RSU1: variants seen among roughly 807,000 people sequenced by gnomAD.
RSU1 encodes Ras suppressor protein 1.
A neutral mutation model predicts 31.1 loss-of-function variants in RSU1; 26 were observed. The ratio of observed to expected loss-of-function variants is 0.84; its 90% confidence interval spans 0.61 to 1.16. The LOEUF (loss-of-function observed/expected upper bound fraction) is 1.16. Among genes scored for constraint, RSU1 ranks in the 50% most tolerant of loss-of-function variants. The pLI, the probability that RSU1 is intolerant of heterozygous loss-of-function variation, is 0.00. For missense variants in RSU1, 320 were observed against 339.1 expected (o/e 0.94, Z 0.44); for synonymous variants, 164 against 136.3 (o/e 1.20, Z -1.41).
chr10:16,801,985 C>T lies in RSU1; in HGVS notation c.109+14988G>A, dbSNP rs374014561. On this transcript the variant is annotated intron_variant, in intron 2 of 8. Transcript: ENST00000345264. Reference sequence around the variant, plus strand: ...AAACGGCAATTACCTCTGCACCAACCTAATAAAATCAATAATCTAAACTTC... The same window carrying T: ...AAACGGCAATTACCTCTGCACCAACTTAATAAAATCAATAATCTAAACTTC... Among the ~76,000 whole-genome samples, 513 of 151,316 alleles carry T rather than the reference C, an allele frequency of 3.4e-3. 1 individual carries two copies. Among genetic ancestry groups the T allele is most frequent in the Non-Finnish European group, 4.9e-3 (333 of 67,720 alleles).
At chr10:16,691,379 G>T (rs1490626246) in intron 8 of RSU1, among the ~76,000 whole-genome samples, 10 of 133,808 alleles carry the variant, frequency 7.5e-5, no homozygotes, top group South Asian at 2.4e-4. Flanking sequence ...TTTTTGTGCA[G>T]TTTTTTTTTT....
chr10:16,733,373 T>C (rs975742309), intron 7 of RSU1, among the ~76,000 whole-genome samples: 18 of 144,080 alleles, frequency 1.2e-4, no homozygotes, highest in Admixed American at 1.4e-4. Flanking sequence ...CCAAGCGTGG[T>C]GGCAGGTGCC....
chr10:16,795,496 G>A (rs2131665423), intron 2 of RSU1, among the ~76,000 whole-genome samples: 1 of 152,082 alleles, frequency 6.6e-6, no homozygotes, highest in East Asian at 1.9e-4. Context: ...ACCCTACAAG[G>A]CAATAGTAGT....
intron 8 of RSU1, among the ~76,000 whole-genome samples, chr10:16,648,730 A>C (rs1472988768): frequency 4.6e-5 from 7 of 152,190 alleles, no homozygotes; most frequent in Middle Eastern, 3.2e-3. Context: ...GATTTAGAAC[A>C]AAGAGCTGCC....
At chr10:16,649,412 G>T (rs557030682) in intron 8 of RSU1, among the ~76,000 whole-genome samples, 13 of 152,286 alleles carry the variant, frequency 8.5e-5, no homozygotes, top group African/African-American at 3.1e-4. Flanking sequence ...GTCTTTAAAA[G>T]AGAAATATTG....
At chr10:16,817,178 G>T in intron 1 of RSU1, 94 bp from the exon 2 acceptor site, 1 of 893,468 alleles carries the variant, frequency 1.1e-6, no homozygotes, top group Non-Finnish European at 1.8e-6. Flanking sequence ...GGCTTCCCCA[G>T]GGTTGGAGCG....
intron 3 of RSU1, among the ~76,000 whole-genome samples, chr10:16,779,436 C>T (rs1837605895): frequency 1.3e-5 from 2 of 152,284 alleles, no homozygotes. Context: ...AACCACGTGC[C>T]ACACTGTTTC....
intron 3 of RSU1, among the ~76,000 whole-genome samples, chr10:16,770,131 C>T (rs1588523661): frequency 6.6e-6 from 1 of 152,052 alleles, no homozygotes. Flanking sequence ...ACAGACAGAT[C>T]GGCTTGGGTG....
chr10:16,657,774 C>G (rs1479468663), intron 8 of RSU1, among the ~76,000 whole-genome samples: 3 of 152,154 alleles, frequency 2.0e-5, no homozygotes, highest in Non-Finnish European at 4.4e-5. Flanking sequence ...GGGCAGATCA[C>G]TTGAGGCCAG....
In RSU1 at chr10:16,697,467, C is replaced by T. The variant is rs368127383; in HGVS notation, c.599-2312G>A. 6.6e-5 allele frequency among the ~76,000 whole-genome samples: 10 copies of T among 152,098 alleles called. No individual in the cohort carries two copies. In the East Asian group the frequency reaches 1.9e-3, roughly 29 times the overall value. ...AGGTCAGGAGTTCCAGACCACAAGG[C>T]AATTTGGCCAACATGGCAAAACCCA... On this transcript the variant is annotated intron_variant, in intron 7 of 8. Coordinates refer to ENST00000345264, the MANE Select transcript of RSU1 (RefSeq NM_012425.4).
intron 7 of RSU1, among the ~76,000 whole-genome samples, chr10:16,740,563 A>G (rs181460368): frequency 1.6e-4 from 24 of 152,350 alleles, no homozygotes; most frequent in Non-Finnish European, 2.8e-4. Flanking sequence ...CAGCTCTCAT[A>G]AAGAGAAAAT....
intron 7 of RSU1, among the ~76,000 whole-genome samples, chr10:16,710,618 T>A (rs1411318691): frequency 6.6e-6 from 1 of 151,912 alleles, no homozygotes; most frequent in Non-Finnish European, 1.5e-5. Flanking sequence ...AATTCAGTAG[T>A]GAAGCCATCA....
intron 3 of RSU1, among the ~76,000 whole-genome samples, chr10:16,775,979 T>C (rs1455822379): frequency 6.6e-6 from 1 of 152,246 alleles, no homozygotes; most frequent in Non-Finnish European, 1.5e-5. Flanking sequence ...AGACCATTTA[T>C]TTTACATATT....
chr10:16,672,391 T>C (rs1165304038), intron 8 of RSU1, among the ~76,000 whole-genome samples: 1 of 152,138 alleles, frequency 6.6e-6, no homozygotes, highest in African/African-American at 2.4e-5. Context: ...CAATAGCACA[T>C]GTTCAACAAA....
At chr10:16,739,467 T>C (rs1328598025) in intron 7 of RSU1, among the ~76,000 whole-genome samples, 1 of 16,814 alleles carries the variant, frequency 5.9e-5, no homozygotes, top group Non-Finnish European at 8.9e-5. Flanking sequence ...ATTTTCTTCC[T>C]TTTTTTTTTT....
chr10:16,594,275 A>C (rs1236543198), intron 8 of RSU1, among the ~76,000 whole-genome samples: 1 of 152,182 alleles, frequency 6.6e-6, no homozygotes, highest in African/African-American at 2.4e-5. Flanking sequence ...CACAGCCCGC[A>C]GTTGCTGTGA....
At chr10:16,796,516 C>A (rs894087880) in intron 2 of RSU1, among the ~76,000 whole-genome samples, 3 of 152,310 alleles carry the variant, frequency 2.0e-5, no homozygotes, top group African/African-American at 7.2e-5. Flanking sequence ...TTAGACTCTT[C>A]ACCCCTAAAT....
intron 3 of RSU1, 121 bp downstream of exon 3, chr10:16,781,913 C>A: frequency 2.4e-6 from 2 of 831,076 alleles, no homozygotes; most frequent in South Asian, 1.7e-5. Flanking sequence ...CCAAAGTAAA[C>A]TAAGGTTTCT....
At chr10:16,628,247 T>C (rs1323387155) in intron 8 of RSU1, among the ~76,000 whole-genome samples, 1 of 152,262 alleles carries the variant, frequency 6.6e-6, no homozygotes. Flanking sequence ...GTTTTGAACA[T>C]TCTTGCAACA....
Sources: allele counts gnomAD v4.1 joint callset (sites outside exome capture counted in the v4.1 genomes callset), GRCh38; gene constraint gnomAD v4.1.1; transcripts MANE v1.5; gene names NCBI Gene and HGNC (gene_info 2026-07-23, HGNC 2026-07-21).